Variants in CCDC146 observed in about 807,000 individuals in gnomAD.
CCDC146 encodes coiled-coil domain containing 146.
A neutral mutation model predicts 119.3 loss-of-function variants in CCDC146; 92 were observed. The ratio of observed to expected loss-of-function variants is 0.77; its 90% confidence interval spans 0.65 to 0.92. CCDC146 has a LOEUF of 0.92. Among genes scored for constraint, CCDC146 ranks in the 40% least tolerant of loss-of-function variants. The pLI is 0.00. For missense variants in CCDC146, 1,000 were observed against 1,103.0 expected (o/e 0.91, Z 1.32); for synonymous variants, 372 against 371.8 (o/e 1.00, Z -0.01).
At chr7:77,148,659 A>G (rs937270040) in intron 1 of CCDC146, among the ~76,000 whole-genome samples, 1 of 152,136 alleles carries the variant, frequency 6.6e-6, no homozygotes, top group Non-Finnish European at 1.5e-5. Flanking sequence ...ATGTGCAAAA[A>G]TCACAAGCAT....
rs750985192 is a variant in CCDC146 at position 77,262,124 on chromosome 7, G to T, written c.990G>T (p.Gly330=). The change falls in exon 9 of 19, where the codon GGG becomes GGT. Residue 330 remains glycine, a synonymous_variant. Transcript: ENST00000285871. The stretch of plus-strand genomic sequence containing the variant: ...CTTCTTCCTTTACCTGGAACAGAGG[G>T]ATCTTGGATCTCAATTTACGCAACA... The part of the protein sequence containing the change: ...ENEATSLTER[G]ILDLNLRNSL... 3 of 1,597,758 alleles carry T rather than the reference G, an allele frequency of 1.9e-6. No individual in the cohort carries two copies. Among genetic ancestry groups the T allele is most frequent in the South Asian group, 1.1e-5 (1 of 88,292 alleles).
chr7:77,156,564 C>A lies in CCDC146; in HGVS notation c.-11-11094C>A, dbSNP rs550495293. 2.9e-3 allele frequency among the ~76,000 whole-genome samples: 440 copies of A among 151,486 alleles called. 2 individuals carry two copies. The highest frequency in any genetic ancestry group is 9.9e-3 in the African/African-American group (410 of 41,286). On this transcript the variant is annotated intron_variant, in intron 1 of 18. Transcript: ENST00000285871. ...AATATATATACCTACTATGTACCCA[C>A]AAAAATAAAAATAAATAAAATAAAA...
At position 77,241,915 on chromosome 7, in the gene CCDC146, C is replaced by T; in HGVS notation, c.449+15C>T. On this transcript the variant is annotated intron_variant, in intron 4 of 18. Coordinates refer to ENST00000285871, the MANE Select transcript of CCDC146 (RefSeq NM_020879.3). ...AGATTAAATAGGTAAGTGCACAGTT[C>T]TCTCCGGCACACTGAAAAGTCTTTT... 7 of 1,571,328 alleles carry T rather than the reference C, an allele frequency of 4.5e-6. No homozygotes were observed. The highest frequency in any genetic ancestry group is 6.1e-6 in the Non-Finnish European group (7 of 1,144,202).
chr7:77,199,812 C>G, intron 2 of CCDC146: 1 of 1,606,262 alleles, frequency 6.2e-7, no homozygotes, highest in Non-Finnish European at 8.5e-7. Flanking sequence ...TGCTGCTCAC[C>G]CCAGCAGGGA....
chr7:77,274,717 C>CCATGTCCTAATG, intron 11 of CCDC146, 65 bp downstream of exon 11: 1 of 1,265,418 alleles, frequency 7.9e-7, no homozygotes, highest in Non-Finnish European at 1.1e-6. Context: ...CATTATAATG[C>CCATGTCCTAATG]CACGTGCATT....
chr7:77,246,455 C>T (rs1792953501), intron 4 of CCDC146: 1 of 152,148 alleles, frequency 6.6e-6, no homozygotes, highest in African/African-American at 2.4e-5. Flanking sequence ...TCCTAAGGAG[C>T]TTTGATGTTG....
chr7:77,231,799 G>A (rs1188645500), intron 2 of CCDC146, among the ~76,000 whole-genome samples: 4 of 148,996 alleles, frequency 2.7e-5, no homozygotes, highest in African/African-American at 7.3e-5. Context: ...CCCTAAGAAA[G>A]TTTCTGCCTG....
chr7:77,256,562 G>C lies in CCDC146; in HGVS notation c.684+53G>C, dbSNP rs543293892. On this transcript the variant is annotated intron_variant, in intron 6 of 18. Coordinates refer to ENST00000285871, the MANE Select transcript of CCDC146 (RefSeq NM_020879.3). ...CATTGTGCCTTGCATGGATATAAAA[G>C]TGTGTGGGTATCAAGAGTAACCAGC... 659 of 1,440,466 alleles carry C rather than the reference G, an allele frequency of 4.6e-4. 1 individual carries two copies. Among genetic ancestry groups the C allele is most frequent in the Admixed American group, 7.2e-4 (32 of 44,600 alleles). 89.2% of individuals were successfully genotyped at this position (1,440,466 alleles called of 1,614,324 possible).
chr7:77,241,875 T>C lies in CCDC146; in HGVS notation c.424T>C (p.Phe142Leu), dbSNP rs879264327. 2.0e-5 allele frequency: 32 copies of C among 1,613,196 alleles called. No homozygotes were observed. The highest frequency in any genetic ancestry group is 2.6e-5 in the Non-Finnish European group (31 of 1,179,388). The change falls in exon 4 of 19, where the codon TTC (phenylalanine) becomes CTC (leucine). Residue 142 changes from phenylalanine to leucine, a missense_variant. Phe to Leu is a conservative substitution (Grantham distance 22). Coordinates refer to ENST00000285871, the MANE Select transcript of CCDC146 (RefSeq NM_020879.3). ...NEYNAVKERE[F>L]HNQYRLNSLK... ...ATATAATGCAGTGAAGGAAAGAGAG[T>C]TCCATAATCAGTACAGATTAAATAG...
intron 1 of CCDC146, among the ~76,000 whole-genome samples, chr7:77,146,436 G>A (rs1791021004): frequency 6.6e-6 from 1 of 152,086 alleles, no homozygotes; most frequent in East Asian, 1.9e-4. Flanking sequence ...TTATGTGTGA[G>A]TTTGATCCTG....
chr7:77,146,605 G>T (rs1052290604), intron 1 of CCDC146, among the ~76,000 whole-genome samples: 4 of 152,062 alleles, frequency 2.6e-5, no homozygotes, highest in Middle Eastern at 3.2e-3. Flanking sequence ...GGAAAGCCTG[G>T]TGGTGACAAA....
chr7:77,256,218 G>C, intron 5 of CCDC146, 115 bp from the exon 6 acceptor site: 1 of 705,024 alleles, frequency 1.4e-6, no homozygotes, highest in Non-Finnish European at 2.3e-6. Flanking sequence ...AATCATTCAT[G>C]AACTTCAAAA....
intron 2 of CCDC146, among the ~76,000 whole-genome samples, chr7:77,220,275 A>C (rs182978252): frequency 1.3e-4 from 20 of 152,346 alleles, no homozygotes; most frequent in Admixed American, 1.2e-3. Flanking sequence ...CAAGAAGAGA[A>C]ATATGACTCT....
intron 1 of CCDC146, among the ~76,000 whole-genome samples, chr7:77,150,348 A>T (rs1483862939): frequency 2.0e-5 from 3 of 152,208 alleles, no homozygotes; most frequent in Non-Finnish European, 2.9e-5. Context: ...AGGAACTCTC[A>T]CAACTTAATA....
chr7:77,220,977 G>C (rs959653432), intron 2 of CCDC146, among the ~76,000 whole-genome samples: 1 of 152,186 alleles, frequency 6.6e-6, no homozygotes, highest in Non-Finnish European at 1.5e-5. Context: ...ATCTGCTTCT[G>C]GGAAGACCTC....
chr7:77,151,516 G>C (rs1372936846), intron 1 of CCDC146, among the ~76,000 whole-genome samples: 1 of 151,984 alleles, frequency 6.6e-6, no homozygotes, highest in Non-Finnish European at 1.5e-5. Flanking sequence ...TGAGGGAAAC[G>C]TTTATGGTAG....
intron 2 of CCDC146, among the ~76,000 whole-genome samples, chr7:77,175,321 A>G (rs1170544402): frequency 6.7e-6 from 1 of 150,052 alleles, no homozygotes; most frequent in Non-Finnish European, 1.5e-5. Flanking sequence ...AATCATTGTT[A>G]AGTAAGTCTT....
At chr7:77,156,532 C>A (rs1263292927) in intron 1 of CCDC146, among the ~76,000 whole-genome samples, 1 of 151,606 alleles carries the variant, frequency 6.6e-6, no homozygotes, top group East Asian at 1.9e-4. Context: ...AAAAAAGCAT[C>A]TCCATAAATA....
At chr7:77,177,503 A>C (rs1486815131) in intron 2 of CCDC146, among the ~76,000 whole-genome samples, 2 of 152,182 alleles carry the variant, frequency 1.3e-5, no homozygotes. Flanking sequence ...TTTGGAACCC[A>C]ATCTTCCGTT....
Sources: gnomAD v4.1 joint callset for allele counts (sites outside exome capture counted in the v4.1 genomes callset) on GRCh38, gnomAD v4.1.1 for gene constraint, MANE v1.5 for transcripts, NCBI Gene and HGNC (gene_info 2026-07-23, HGNC 2026-07-21) for gene names.